Variants in ITGA4 observed in about 807,000 individuals in gnomAD.
The protein encoded by ITGA4 is integrin alpha-4.
A neutral mutation model predicts 133.6 loss-of-function variants in ITGA4; 63 were observed. The ratio of observed to expected loss-of-function variants is 0.47; its 90% CI spans 0.38 to 0.58. The LOEUF (loss-of-function observed/expected upper bound fraction) is 0.58, where lower values mean the gene tolerates loss of function less well. Ranked by LOEUF, ITGA4 falls within the 20% of genes least tolerant of loss-of-function variation. The pLI, the probability that ITGA4 is intolerant of heterozygous loss-of-function variation, is 0.00. For missense variants in ITGA4, 1,076 were observed against 1,252.7 expected, an observed-to-expected ratio of 0.86 and a Z score of 2.13; for synonymous variants, 483 against 438.0, an observed-to-expected ratio of 1.10 and a Z score of -1.28.
rs1685771072 is a variant in ITGA4 at position 181,480,129 on chromosome 2, T to C, written c.625-8T>C. 6.5e-7 allele frequency: 1 copy of C among 1,545,088 alleles called. No homozygotes were observed. The highest frequency in any genetic ancestry group is 1.3e-5 in the South Asian group (1 of 78,040). On this transcript the variant is annotated splice_region_variant and splice_polypyrimidine_tract_variant and intron_variant, in intron 5 of 27. Coordinates refer to ENST00000397033, the MANE Select transcript of ITGA4 (RefSeq NM_000885.6). ...GTTTAAATAATAATAGTTTTTTTTT[T>C]CTTACAGGATTTAATTGTGATGGGG...
In ITGA4 at chr2:181,537,912, C is replaced by G. The variant is rs1687250632; in HGVS notation, c.*2385C>G. On this transcript the variant is annotated 3_prime_UTR_variant, in exon 28 of 28. Transcript: ENST00000397033. ...AGCATTACTGAGTTCCTCCCCCTGTCAGATCAGCAGCAGCATTAGATTCTC... is the reference window on the plus strand; with the variant it reads ...AGCATTACTGAGTTCCTCCCCCTGTGAGATCAGCAGCAGCATTAGATTCTC... The G allele has an allele frequency of 1.7e-6, 1 of 574,884 alleles. No homozygotes were observed. Among genetic ancestry groups the G allele is most frequent in the Admixed American group, 2.2e-5 (1 of 46,112 alleles). 35.6% of individuals were successfully genotyped at this position (574,884 alleles called of 1,614,324 possible). A position where few individuals can be genotyped will look rare whatever the true frequency, so the allele number is the denominator to read the frequency against.
At chr2:181,475,365 G>A (rs1437109662) in intron 4 of ITGA4, 77 bp downstream of exon 4, 12 of 1,182,196 alleles carry the variant, frequency 1.0e-5, no homozygotes, top group African/African-American at 1.5e-5. Context: ...TTATGTTCAA[G>A]TTTAGATGTT....
chr2:181,490,843 T>C (rs927604115), intron 10 of ITGA4, among the ~76,000 whole-genome samples: 1 of 152,202 alleles, frequency 6.6e-6, no homozygotes, highest in Non-Finnish European at 1.5e-5. Flanking sequence ...AAACATAGTA[T>C]AAGTGTTGGC....
intron 21 of ITGA4, 37 bp from the exon 22 acceptor site, chr2:181,527,260 T>C (rs199777334): frequency 1.1e-4 from 135 of 1,190,454 alleles, no homozygotes; most frequent in Non-Finnish European, 1.6e-4. Flanking sequence ...CGTCATCGAA[T>C]AAGACAGTTA....
intron 9 of ITGA4, among the ~76,000 whole-genome samples, chr2:181,485,217 A>G (rs1390825702): frequency 6.6e-6 from 1 of 152,180 alleles, no homozygotes; most frequent in Admixed American, 6.5e-5. Context: ...TCGACAATCA[A>G]GACGCTACAC....
In ITGA4 at chr2:181,538,023, G is replaced by C. The variant is rs1053879698; in HGVS notation, c.*2496G>C. 2 of 692,360 alleles carry C rather than the reference G, an allele frequency of 2.9e-6. No homozygotes were observed. Among genetic ancestry groups the C allele is most frequent in the Non-Finnish European group, 5.4e-6 (2 of 369,514 alleles). The allele number at this position is 692,360 out of a possible 1,614,324, so 42.9% of individuals were successfully genotyped here. On this transcript the variant is annotated 3_prime_UTR_variant, in exon 28 of 28. Transcript: ENST00000397033. ...AAGAGAATCTAATGCCTGATGATCT[G>C]AGGTGGAACAGTTCATCCTGAAACC...
chr2:181,475,174 T>C lies in ITGA4; in HGVS notation c.442T>C (p.Trp148Arg). ...TTTTATTCAGACTTGTGGGCATAGA[T>C]GGAAAAATATATTTTACATAAAGAA... ...NGSIVTCGHRWKNIFYIKNEN... is the reference protein window; with the variant it reads ...NGSIVTCGHRRKNIFYIKNEN... The change falls in exon 4 of 28, where the codon TGG (tryptophan) becomes CGG (arginine). Residue 148 changes from tryptophan to arginine, a missense_variant. Coordinates refer to ENST00000397033, the MANE Select transcript of ITGA4 (RefSeq NM_000885.6). The C allele has an allele frequency of 6.2e-7, 1 of 1,613,526 alleles. No individual in the cohort carries two copies. Among genetic ancestry groups the C allele is most frequent in the South Asian group, 1.1e-5 (1 of 91,000 alleles).
chr2:181,526,156 A>G (rs541824289), intron 21 of ITGA4, among the ~76,000 whole-genome samples: 3 of 152,342 alleles, frequency 2.0e-5, no homozygotes, highest in Admixed American at 1.3e-4. Flanking sequence ...AAGGCCATTC[A>G]CAGGAGAGTA....
At chr2:181,473,975 C>T (rs560729391) in intron 2 of ITGA4, among the ~76,000 whole-genome samples, 7 of 152,186 alleles carry the variant, frequency 4.6e-5, no homozygotes, top group Admixed American at 2.0e-4. Context: ...ATTAACAAAC[C>T]GAAGTTCCAC....
intron 2 of ITGA4, among the ~76,000 whole-genome samples, chr2:181,474,401 A>G (rs942513301): frequency 6.6e-6 from 1 of 152,224 alleles, no homozygotes; most frequent in African/African-American, 2.4e-5. Context: ...ATATTCCAAT[A>G]AATGTAAACA....
chr2:181,526,079 T>TAAATGTAA (rs572104936), intron 21 of ITGA4, among the ~76,000 whole-genome samples: 144 of 152,244 alleles, frequency 9.5e-4, no homozygotes, highest in Non-Finnish European at 1.6e-3. Context: ...TACAGTCATG[T>TAAATGTAA]AAATGTAAAA....
At chr2:181,500,554 C>T (rs1015796809) in intron 15 of ITGA4, among the ~76,000 whole-genome samples, 2 of 152,066 alleles carry the variant, frequency 1.3e-5, no homozygotes, top group East Asian at 3.9e-4. Flanking sequence ...TTCCATAAAA[C>T]GCATCTGGTA....
rs184812608 is a variant in ITGA4 at position 181,528,828 on chromosome 2, A to T, written c.2431-713A>T. ...GGTTTTACAGTTAAGCTGCCAGTTCAGTAGGCTATATTTTGGCCCCATTTC... is the reference window on the plus strand; with the variant it reads ...GGTTTTACAGTTAAGCTGCCAGTTCTGTAGGCTATATTTTGGCCCCATTTC... On this transcript the variant is annotated intron_variant, in intron 22 of 27. Transcript: ENST00000397033. Among the ~76,000 whole-genome samples the T allele has an allele frequency of 1.8e-4, 27 of 152,286 alleles. No homozygotes were observed. In the East Asian group the frequency reaches 2.1e-3, roughly 12 times the overall value.
At chr2:181,458,015 C>G (rs1450080781) in intron 1 of ITGA4, among the ~76,000 whole-genome samples, 164 bp downstream of exon 1, 1 of 152,210 alleles carries the variant, frequency 6.6e-6, no homozygotes, top group African/African-American at 2.4e-5. Context: ...ACTAACTTAT[C>G]TTGGGGCGGC....
Position 181,495,758 on chromosome 2 carries a change from A to G in ITGA4, c.1386-25A>G. On this transcript the variant is annotated intron_variant, in intron 13 of 27. Transcript: ENST00000397033. This position sits in a 1 kb window ranked among gnomAD's most constrained non-coding sequence, Gnocchi z 4.3. ...AAGGAAAAATAATTCTGCAATTAAC[A>G]TTGCTACTTTTATTTCCTTCTCAGG... The G allele has an allele frequency of 1.9e-6, 3 of 1,596,418 alleles. No individual in the cohort carries two copies. The highest frequency in any genetic ancestry group is 2.6e-6 in the Non-Finnish European group (3 of 1,171,538).
At chr2:181,492,187 G>GAATAACTTT in intron 10 of ITGA4, among the ~76,000 whole-genome samples, 1 of 152,298 alleles carries the variant, frequency 6.6e-6, no homozygotes, top group Admixed American at 6.5e-5. Flanking sequence ...AAATGAGTGG[G>GAATAACTTT]CATATTTGTA....
At chr2:181,497,820 T>A (rs1440940974) in intron 14 of ITGA4, among the ~76,000 whole-genome samples, 1 of 152,100 alleles carries the variant, frequency 6.6e-6, no homozygotes, top group Non-Finnish European at 1.5e-5. Flanking sequence ...ATGAAATGGT[T>A]CTCACTTTCT....
chr2:181,486,625 G>T (rs155106), intron 10 of ITGA4, among the ~76,000 whole-genome samples: 88,771 of 152,052 alleles, frequency 0.58, 25,966 homozygotes, highest in Admixed American at 0.65. Flanking sequence ...TGGTAACTGT[G>T]CATATTGCCA....
intron 17 of ITGA4, among the ~76,000 whole-genome samples, chr2:181,520,805 G>T (rs1159929389): frequency 1.3e-5 from 2 of 152,116 alleles, no homozygotes; most frequent in East Asian, 3.9e-4. Flanking sequence ...GAAGTGTGTT[G>T]GTATTTGGGA....
Sources: allele counts gnomAD v4.1 joint callset (sites outside exome capture counted in the v4.1 genomes callset), GRCh38; gene constraint gnomAD v4.1.1; non-coding constraint Gnocchi (gnomAD v3.1); transcripts MANE v1.5; gene names NCBI Gene and HGNC (gene_info 2026-07-23, HGNC 2026-07-21).